CDH23: variants seen among roughly 807,000 people sequenced by gnomAD.
The protein encoded by CDH23 is cadherin related 23.
In CDH23, 189 loss-of-function variants were observed where a neutral mutation model predicts 317.1. The ratio of observed to expected loss-of-function variants is 0.60; its 90% CI spans 0.53 to 0.67. The LOEUF (loss-of-function observed/expected upper bound fraction) is 0.67, where lower values mean the gene tolerates loss of function less well. Among genes scored for constraint, CDH23 ranks in the 30% least tolerant of loss-of-function variants. The pLI, the probability that CDH23 is intolerant of heterozygous loss-of-function variation, is 0.00. For missense variants in CDH23, 4,401 were observed against 4,592.4 expected (o/e 0.96, Z 1.20); for synonymous variants, 1,839 against 1,876.8 (o/e 0.98, Z 0.52).
intron 6 of CDH23, among the ~76,000 whole-genome samples, chr10:71,535,732 G>A (rs1390587124): frequency 6.6e-6 from 1 of 152,236 alleles, no homozygotes; most frequent in Non-Finnish European, 1.5e-5. Flanking sequence ...CCAGGGCAGG[G>A]ACTTGGTTAT....
chr10:71,611,463 G>C (rs1277704447), intron 9 of CDH23, among the ~76,000 whole-genome samples: 2 of 152,338 alleles, frequency 1.3e-5, no homozygotes, highest in East Asian at 3.9e-4. Context: ...AGGCTGCTGG[G>C]GTGGTGGGGA....
chr10:71,547,812 G>A (rs954584666), intron 6 of CDH23, among the ~76,000 whole-genome samples: 26 of 152,202 alleles, frequency 1.7e-4, no homozygotes, highest in African/African-American at 4.6e-4. Flanking sequence ...AATCTATGCC[G>A]TCTTTGAGAC....
intron 3 of CDH23, among the ~76,000 whole-genome samples, chr10:71,447,109 G>A (rs1324868986): frequency 6.6e-6 from 1 of 152,164 alleles, no homozygotes; most frequent in East Asian, 1.9e-4. Flanking sequence ...TAGGGAAAGT[G>A]CCTGTCATCC....
chr10:71,655,091 T>TTGTGGC (rs1310275680), intron 14 of CDH23, among the ~76,000 whole-genome samples: 7 of 151,934 alleles, frequency 4.6e-5, no homozygotes, highest in African/African-American at 1.5e-4. Context: ...TTCCCTCACC[T>TTGTGGC]CCTCCTGGAG....
At chr10:71,433,751 C>G (rs1416320924) in intron 1 of CDH23, among the ~76,000 whole-genome samples, 1 of 82,722 alleles carries the variant, frequency 1.2e-5, no homozygotes, top group African/African-American at 3.1e-5. Flanking sequence ...CTTGCACAGC[C>G]AGATCCCCAC....
At chr10:71,759,914 C>A (rs796364797) in intron 38 of CDH23, among the ~76,000 whole-genome samples, 1 of 56,820 alleles carries the variant, frequency 1.8e-5, no homozygotes, top group Non-Finnish European at 4.5e-5. Flanking sequence ...TACACACACA[C>A]ATATATACAC....
intron 1 of CDH23, among the ~76,000 whole-genome samples, chr10:71,415,199 C>T (rs1374216100): frequency 6.6e-6 from 1 of 152,188 alleles, no homozygotes; most frequent in Non-Finnish European, 1.5e-5. Context: ...CAACCTCTAC[C>T]TCCTGGGCTC....
chr10:71,801,150 C>CTCTTTTTTTTT (rs765969201), intron 53 of CDH23, among the ~76,000 whole-genome samples: 2 of 73,984 alleles, frequency 2.7e-5, no homozygotes, highest in African/African-American at 1.2e-4. Context: ...CTCTCTCTCT[C>CTCTTTTTTTTT]TTTTTTTTTT....
rs1296662780 is a variant in CDH23, at chr10:71,677,466, G to C, written c.1525G>C (p.Asp509His). ...CTCGGCCTGGCACAGGTTCTCGCTG[G>C]ACAAGGACACGGGACTCATCATGCT... Reference protein sequence around the residue: ...FSDDPDRFSLDKDTGLIMLIA... With the variant: ...FSDDPDRFSLHKDTGLIMLIA... Residue 509 changes from aspartate to histidine, a missense_variant, in exon 16 of 70, where the codon GAC (aspartate) becomes CAC (histidine). Coordinates refer to ENST00000224721, the MANE Select transcript of CDH23 (RefSeq NM_022124.6). The C allele has an allele frequency of 6.2e-7, 1 of 1,607,052 alleles. No homozygotes were observed. Among genetic ancestry groups the C allele is most frequent in the Non-Finnish European group, 8.5e-7 (1 of 1,176,356 alleles).
intron 43 of CDH23, 107 bp from the exon 44 acceptor site, chr10:71,785,524 A>T: frequency 1.3e-6 from 1 of 751,064 alleles, no homozygotes; most frequent in South Asian, 1.6e-5. Flanking sequence ...CTTCTAGATC[A>T]TCTCTTAGGC....
intron 14 of CDH23, among the ~76,000 whole-genome samples, chr10:71,654,857 C>T (rs1001907667): frequency 6.6e-6 from 1 of 152,134 alleles, no homozygotes; most frequent in African/African-American, 2.4e-5. Flanking sequence ...GTTTTTCAAC[C>T]CAGCCTCCAA....
intron 38 of CDH23, among the ~76,000 whole-genome samples, chr10:71,746,324 A>G (rs1839851772): frequency 6.6e-6 from 1 of 152,240 alleles, no homozygotes; most frequent in Admixed American, 6.5e-5. Flanking sequence ...GAGTCCCTCC[A>G]GCTCTACTTT....
intron 28 of CDH23, among the ~76,000 whole-genome samples, chr10:71,721,791 T>C (rs1375182438): frequency 6.6e-6 from 1 of 152,220 alleles, no homozygotes; most frequent in African/African-American, 2.4e-5. Flanking sequence ...GTGCTGCTGA[T>C]TGAGGCTGTC....
At chr10:71,664,598 G>A (rs73273943) in intron 14 of CDH23, among the ~76,000 whole-genome samples, 8,248 of 152,266 alleles carry the variant, frequency 0.054, 745 homozygotes, top group African/African-American at 0.19. Flanking sequence ...TTGTAGAACT[G>A]GAAGTGGAAA....
intron 45 of CDH23, 145 bp from the exon 46 acceptor site, chr10:71,790,143 C>T (rs1455108376): frequency 7.0e-6 from 8 of 1,139,294 alleles, no homozygotes; most frequent in Middle Eastern, 2.9e-4. Context: ...GCCGCAGGCC[C>T]GCCCCCAGGG....
chr10:71,532,727 G>GTT (rs200038577), intron 6 of CDH23, among the ~76,000 whole-genome samples: 22 of 93,946 alleles, frequency 2.3e-4, no homozygotes, highest in Middle Eastern at 6.8e-3. Context: ...TTTTTTTTTT[G>GTT]TTTTTTTTTT....
At position 71,739,589 on chromosome 10, in the gene CDH23, C is replaced by T. The variant is rs1013939434; in HGVS notation, c.4360-55C>T. The T allele has an allele frequency of 2.3e-5, 37 of 1,587,080 alleles. No individual in the cohort carries two copies. In the African/African-American group the frequency reaches 4.6e-4, roughly 20 times the overall value. The stretch of plus-strand genomic sequence containing the variant: ...GACCAGGGAGTCCCCCTTGGCTTGA[C>T]CTGGCCACCTCTCCTCCACACCTGC... On this transcript the variant is annotated intron_variant, in intron 35 of 69. Coordinates refer to ENST00000224721, the MANE Select transcript of CDH23 (RefSeq NM_022124.6).
chr10:71,682,894 G>A (rs907503209), intron 18 of CDH23, among the ~76,000 whole-genome samples: 1 of 152,214 alleles, frequency 6.6e-6, no homozygotes, highest in Non-Finnish European at 1.5e-5. Context: ...AGGAGGAAAT[G>A]TCGTGGGCTT....
At chr10:71,786,700 G>A (rs560265908) in intron 44 of CDH23, among the ~76,000 whole-genome samples, 1 of 152,146 alleles carries the variant, frequency 6.6e-6, no homozygotes, top group East Asian at 1.9e-4. Context: ...ATTTCACCAT[G>A]TTGGCGAGGC....
Sources: allele counts gnomAD v4.1 joint callset (sites outside exome capture counted in the v4.1 genomes callset), GRCh38; gene constraint gnomAD v4.1.1; transcripts MANE v1.5; gene names NCBI Gene and HGNC (gene_info 2026-07-23, HGNC 2026-07-21).